The following PCDHA5 variants were observed in gnomAD, a reference collection of about 807,000 sequenced individuals.
The protein encoded by PCDHA5 is protocadherin alpha 5, also known as protocadherin alpha-5.
In PCDHA5, 43 loss-of-function variants were observed where a neutral mutation model predicts 61.6. The observed-to-expected ratio is 0.70, with a 90% CI of 0.55 to 0.90. PCDHA5 has a LOEUF of 0.90. Among genes scored for constraint, PCDHA5 ranks in the 40% least tolerant of loss-of-function variants. The probability of loss-of-function intolerance (pLI) is 0.00; values close to 1 mark genes in which losing one functional copy is unlikely to be tolerated. For missense variants in PCDHA5, 1,298 were observed against 1,222.7 expected, an observed-to-expected ratio of 1.06 and a Z score of -0.92; for synonymous variants, 627 against 543.9, an observed-to-expected ratio of 1.15 and a Z score of -2.13.
intron 1 of PCDHA5, among the ~76,000 whole-genome samples, chr5:140,963,050 G>C (rs2095732681): frequency 2.6e-5 from 4 of 152,030 alleles, no homozygotes; most frequent in Admixed American, 2.6e-4. Flanking sequence ...AGTCTATAAG[G>C]GTTTCTACAT....
intron 1 of PCDHA5, chr5:140,966,863 C>G: frequency 6.4e-7 from 1 of 1,562,680 alleles, no homozygotes; most frequent in Non-Finnish European, 8.6e-7. Flanking sequence ...GCTGCTGTTG[C>G]TGCTGCTGCT....
chr5:140,984,505 TGATGCATGAGTCACA>T (rs2097106604), intron 3 of PCDHA5, among the ~76,000 whole-genome samples: 1 of 152,206 alleles, frequency 6.6e-6, no homozygotes, highest in African/African-American at 2.4e-5. Context: ...GCCTGGCTGC[TGATGCATGAGTCACA>T]GTCTTCATGG....
intron 1 of PCDHA5, chr5:140,854,257 T>C (rs189442319): frequency 3.3e-6 from 2 of 609,080 alleles, no homozygotes; most frequent in Non-Finnish European, 4.1e-6. Flanking sequence ...TGGTATAAAA[T>C]GTACATTAGT....
At chr5:140,905,182 A>C (rs1283931938) in intron 1 of PCDHA5, among the ~76,000 whole-genome samples, 1 of 152,172 alleles carries the variant, frequency 6.6e-6, no homozygotes. Context: ...TTTAGATTTA[A>C]GTCTTTGATC....
rs2150111512 is a variant in PCDHA5 at position 140,821,875 on chromosome 5, A to G, written c.100A>G (p.Ile34Val). 6.2e-7 allele frequency: 1 copy of G among 1,614,180 alleles called. No homozygotes were observed. The highest frequency in any genetic ancestry group is 1.7e-5 in the Admixed American group (1 of 60,024). Residue 34 changes from isoleucine (I) to valine (V), a missense_variant, in exon 1 of 4, where the codon ATC becomes GTC. Physicochemically the swap from Ile to Val is conservative, Grantham distance 29. Coordinates refer to ENST00000529859, the MANE Select transcript of PCDHA5 (RefSeq NM_018908.3). Reference sequence around the variant, plus strand: ...AGGGAGCGGCCAGCTCCACTACTCGATCCCGGAGGAAGCCAAACACGGAAC... The same window carrying G: ...AGGGAGCGGCCAGCTCCACTACTCGGTCCCGGAGGAAGCCAAACACGGAAC... Reference protein sequence around the residue: ...KAGSGQLHYSIPEEAKHGTFV... With the variant: ...KAGSGQLHYSVPEEAKHGTFV...
intron 1 of PCDHA5, chr5:140,869,070 A>G (rs1554162449): frequency 6.4e-7 from 1 of 1,572,828 alleles, no homozygotes; most frequent in Non-Finnish European, 8.6e-7. Flanking sequence ...TGTAAGTGTA[A>G]AGAAGCTTAT....
intron 1 of PCDHA5, among the ~76,000 whole-genome samples, chr5:140,920,226 T>C (rs190564528): frequency 6.6e-6 from 1 of 152,042 alleles, no homozygotes; most frequent in East Asian, 1.9e-4. Context: ...ACATTTATAG[T>C]ATTATATACC....
At chr5:140,882,606 C>A (rs782588313) in intron 1 of PCDHA5, 1 of 1,614,120 alleles carries the variant, frequency 6.2e-7, no homozygotes, top group African/African-American at 1.3e-5. Context: ...GTGGACAGGC[C>A]TCTGCAGGTT....
At chr5:140,825,834 A>G (rs1018722361) in intron 1 of PCDHA5, 1 of 152,430 alleles carries the variant, frequency 6.6e-6, no homozygotes, top group Non-Finnish European at 1.5e-5. Context: ...TAAAAAAATA[A>G]ATATACCATG....
chr5:140,842,954 C>G, intron 1 of PCDHA5: 2 of 1,594,948 alleles, frequency 1.3e-6, no homozygotes. Flanking sequence ...CGTGCCGCCT[C>G]TGGGCAGCAA....
intron 1 of PCDHA5, chr5:140,875,922 T>C: frequency 6.2e-7 from 1 of 1,614,200 alleles, no homozygotes; most frequent in South Asian, 1.1e-5. Context: ...CTCTGGACTC[T>C]CATTTTCCTC....
At chr5:140,911,258 T>C (rs265316) in intron 1 of PCDHA5, among the ~76,000 whole-genome samples, 87,913 of 151,980 alleles carry the variant, frequency 0.58, 26,381 homozygotes, top group African/African-American at 0.75. Flanking sequence ...TCAGAATTTA[T>C]AATCTCAGTG....
At chr5:140,845,144 C>T (rs2150376784) in intron 1 of PCDHA5, among the ~76,000 whole-genome samples, 2 of 149,524 alleles carry the variant, frequency 1.3e-5, no homozygotes, top group Non-Finnish European at 3.0e-5. Context: ...TATTTGAACA[C>T]ATTGTGTAAA....
At chr5:140,855,952 A>AT in intron 1 of PCDHA5, 1 of 1,380,786 alleles carries the variant, frequency 7.2e-7, no homozygotes, top group South Asian at 1.4e-5. Flanking sequence ...AGCCATTTCG[A>AT]TAAAAAATAG....
At chr5:140,990,988 C>A (rs1332573282) in intron 3 of PCDHA5, among the ~76,000 whole-genome samples, 5 of 152,184 alleles carry the variant, frequency 3.3e-5, no homozygotes, top group Admixed American at 6.5e-5. Flanking sequence ...AAGACAATAG[C>A]TACCATTTAT....
intron 1 of PCDHA5, chr5:140,966,193 G>C (rs1554228123): frequency 4.8e-6 from 1 of 207,392 alleles, no homozygotes; most frequent in Non-Finnish European, 9.5e-6. Flanking sequence ...CAGACTTCTA[G>C]GGGCTTGACT....
chr5:140,829,215 A>G (rs2150163989), intron 1 of PCDHA5: 5 of 1,614,224 alleles, frequency 3.1e-6, no homozygotes, highest in Middle Eastern at 1.6e-4. Context: ...ATTAGCGTGA[A>G]CGACCTCGAT....
At chr5:140,831,334 C>G (rs188335072) in intron 1 of PCDHA5, 4 of 150,940 alleles carry the variant, frequency 2.7e-5, no homozygotes, top group African/African-American at 9.8e-5. Context: ...TGTTTCTACA[C>G]AGTAATTTAA....
chr5:140,901,352 G>T (rs1426715966), intron 1 of PCDHA5, among the ~76,000 whole-genome samples: 2 of 152,138 alleles, frequency 1.3e-5, no homozygotes, highest in East Asian at 3.8e-4. Flanking sequence ...TGATGTCTTA[G>T]ATTTAAGTCT....
Sources: allele counts gnomAD v4.1 joint callset (sites outside exome capture counted in the v4.1 genomes callset), GRCh38; gene constraint gnomAD v4.1.1; transcripts MANE v1.5; gene names NCBI Gene and HGNC (gene_info 2026-07-23, HGNC 2026-07-21).